The following SLC22A2 variants were observed in gnomAD, a reference collection of about 807,000 sequenced individuals.
SLC22A2 encodes the protein organic cation transporter 2.
In SLC22A2, 46 loss-of-function variants were observed where a neutral mutation model predicts 60.5. That is an observed-to-expected ratio of 0.76 (90% CI 0.60 to 0.97). The LOEUF is 0.97. Ranked by LOEUF, SLC22A2 falls within the 50% of genes least tolerant of loss-of-function variation. The pLI, the probability that SLC22A2 is intolerant of heterozygous loss-of-function variation, is 0.00. For missense variants in SLC22A2, 701 were observed against 706.6 expected (o/e 0.99, Z 0.09); for synonymous variants, 303 against 267.0 (o/e 1.13, Z -1.31).
At chr6:160,230,680 C>T (rs1432695550) in intron 9 of SLC22A2, among the ~76,000 whole-genome samples, 1 of 151,968 alleles carries the variant, frequency 6.6e-6, no homozygotes, top group Non-Finnish European at 1.5e-5. Context: ...AAACCCCAGA[C>T]ACATCTCCAG....
intron 10 of SLC22A2, among the ~76,000 whole-genome samples, chr6:160,224,316 G>A (rs756422847): frequency 2.3e-4 from 33 of 146,322 alleles, no homozygotes; most frequent in Admixed American, 1.8e-3. Context: ...TTAGGTGGTC[G>A]CTTTTATGGA....
chr6:160,217,262 G>A lies in SLC22A2; in HGVS notation c.*170C>T. 1 of 413,550 alleles carries A rather than the reference G, an allele frequency of 2.4e-6. No homozygotes were observed. Among genetic ancestry groups the A allele is most frequent in the African/African-American group, 2.0e-5 (1 of 48,892 alleles). 25.6% of individuals were successfully genotyped at this position (413,550 alleles called of 1,614,324 possible). A position where few individuals can be genotyped will look rare whatever the true frequency, so the allele number is the denominator to read the frequency against. On this transcript the variant is annotated 3_prime_UTR_variant, in exon 11 of 11. Transcript: ENST00000366953. ...GAATTTGGCAGGATCTGGTCCCATG[G>A]GTATTTTTCCACAGTGTACAATAGA...
At chr6:160,232,571 T>C (rs1782841698) in intron 9 of SLC22A2, among the ~76,000 whole-genome samples, 1 of 71,816 alleles carries the variant, frequency 1.4e-5, no homozygotes, top group African/African-American at 3.2e-5. Context: ...TTAATGCCTC[T>C]TTAAAAAAAA....
At chr6:160,253,766 G>T (rs1278116488) in intron 2 of SLC22A2, among the ~76,000 whole-genome samples, 1 of 152,158 alleles carries the variant, frequency 6.6e-6, no homozygotes, top group Non-Finnish European at 1.5e-5. Context: ...GGCCATCTGT[G>T]CTTGTGAGGT....
chr6:160,247,378 T>C (rs1438686154), intron 4 of SLC22A2, 80 bp from the exon 5 acceptor site: 11 of 782,268 alleles, frequency 1.4e-5, no homozygotes, highest in Non-Finnish European at 2.3e-5. Flanking sequence ...ATCAGATTTC[T>C]CTGAGGATGT....
rs8177504 is a variant in SLC22A2, at chr6:160,258,598, G to T, written c.160C>A (p.Pro54Thr). 1 of 1,613,988 alleles carries T rather than the reference G, an allele frequency of 6.2e-7. No homozygotes were observed. The highest frequency in any genetic ancestry group is 1.1e-5 in the South Asian group (1 of 91,066). The change falls in exon 1 of 11, where the codon CCC (proline) becomes ACC (threonine). Residue 54 changes from proline (P) to threonine (T), a missense_variant. Physicochemically the swap from Pro to Thr is conservative, Grantham distance 38. Coordinates refer to ENST00000366953, the MANE Select transcript of SLC22A2 (RefSeq NM_003058.4). ...CGCAGACTCAGCTCGGCCACTCCGG[G>T]GCTCCGGCAGCGGTGGTCAGGGGTG... is the stretch of plus-strand genomic sequence containing the variant. Reference protein sequence around the residue: ...GFTPDHRCRSPGVAELSLRCG... With the variant: ...GFTPDHRCRSTGVAELSLRCG...
At chr6:160,239,406 A>G (rs1311665712) in intron 9 of SLC22A2, among the ~76,000 whole-genome samples, 1 of 152,108 alleles carries the variant, frequency 6.6e-6, no homozygotes. Flanking sequence ...TTATTCCTTT[A>G]CTTTCTTAAT....
intron 2 of SLC22A2, among the ~76,000 whole-genome samples, chr6:160,251,909 A>C (rs1783191454): frequency 6.6e-6 from 1 of 152,220 alleles, no homozygotes; most frequent in Non-Finnish European, 1.5e-5. Context: ...ATTGGTAATT[A>C]GTATTAACTA....
At chr6:160,229,512 C>A (rs1782782717) in intron 9 of SLC22A2, among the ~76,000 whole-genome samples, 1 of 151,808 alleles carries the variant, frequency 6.6e-6, no homozygotes, top group Admixed American at 6.6e-5. Context: ...TGCGGGGGCG[C>A]CTGCTTTGGC....
At chr6:160,247,415 TAAC>T (rs1393898901) in intron 4 of SLC22A2, 117 bp from the exon 5 acceptor site, 6 of 638,778 alleles carry the variant, frequency 9.4e-6, no homozygotes, top group African/African-American at 1.8e-5. Flanking sequence ...CCAAAGAAAA[TAAC>T]ACTCGTGTAG....
At chr6:160,221,756 C>T (rs1297978317) in intron 10 of SLC22A2, among the ~76,000 whole-genome samples, 1 of 152,162 alleles carries the variant, frequency 6.6e-6, no homozygotes, top group Non-Finnish European at 1.5e-5. Flanking sequence ...AGATCACACG[C>T]ATTTATCAAT....
chr6:160,239,328 CA>C (rs1325045713), intron 9 of SLC22A2, among the ~76,000 whole-genome samples: 1 of 152,164 alleles, frequency 6.6e-6, no homozygotes, highest in African/African-American at 2.4e-5. Context: ...GCATATAATC[CA>C]GAAGTAACTA....
intron 1 of SLC22A2, chr6:160,258,012 A>C: frequency 3.8e-6 from 1 of 264,086 alleles, no homozygotes; most frequent in Non-Finnish European, 7.1e-6. Context: ...GGGGGAGGTA[A>C]GGCTTCCAGA....
At chr6:160,221,993 C>T (rs1382009802) in intron 10 of SLC22A2, among the ~76,000 whole-genome samples, 1 of 152,026 alleles carries the variant, frequency 6.6e-6, no homozygotes, top group Non-Finnish European at 1.5e-5. Context: ...TGTATACCTT[C>T]AATCTGTTAA....
intron 2 of SLC22A2, among the ~76,000 whole-genome samples, chr6:160,254,651 G>A (rs934616937): frequency 2.0e-5 from 3 of 152,322 alleles, no homozygotes; most frequent in African/African-American, 7.2e-5. Flanking sequence ...CCTGCATGCA[G>A]GCACAGAACA....
chr6:160,222,883 T>G (rs1401205991), intron 10 of SLC22A2, among the ~76,000 whole-genome samples: 1 of 152,200 alleles, frequency 6.6e-6, no homozygotes, highest in Non-Finnish European at 1.5e-5. Context: ...GAAATCCAGT[T>G]TATGTGGAAT....
chr6:160,253,011 T>C (rs949892631), intron 2 of SLC22A2, among the ~76,000 whole-genome samples: 6 of 152,190 alleles, frequency 3.9e-5, no homozygotes, highest in African/African-American at 1.2e-4. Context: ...ACTGGGACTT[T>C]AGTTCTGCTT....
At position 160,258,430 on chromosome 6, in the gene SLC22A2, G is replaced by C; in HGVS notation, c.328C>G (p.Leu110Val). 1 of 1,614,060 alleles carries C rather than the reference G, an allele frequency of 6.2e-7. No individual in the cohort carries two copies. The highest frequency in any genetic ancestry group is 8.5e-7 in the Non-Finnish European group (1 of 1,180,024). Residue 110 changes from leucine to valine, a missense_variant, in exon 1 of 11, where the codon CTG becomes GTG. Coordinates refer to ENST00000366953, the MANE Select transcript of SLC22A2 (RefSeq NM_003058.4). ...TFDCVDPLASLDTNRSRLPLG... is the reference protein window; with the variant it reads ...TFDCVDPLASVDTNRSRLPLG... ...GGCAGGCGGCTCCTGTTGGTGTCCAGGCTGGCCAGGGGGTCCACGCAGTCG... is the reference window on the plus strand; with the variant it reads ...GGCAGGCGGCTCCTGTTGGTGTCCACGCTGGCCAGGGGGTCCACGCAGTCG...
intron 5 of SLC22A2, among the ~76,000 whole-genome samples, chr6:160,246,454 A>G (rs1390032137): frequency 6.6e-6 from 1 of 152,194 alleles, no homozygotes; most frequent in African/African-American, 2.4e-5. Context: ...GGGATTGCTT[A>G]AAAGCTTTTC....
Sources: allele counts gnomAD v4.1 joint callset (sites outside exome capture counted in the v4.1 genomes callset), GRCh38; gene constraint gnomAD v4.1.1; transcripts MANE v1.5; gene names NCBI Gene and HGNC (gene_info 2026-07-23, HGNC 2026-07-21).